PXDC1: variants seen among roughly 807,000 people sequenced by gnomAD.
PXDC1 encodes PX domain-containing protein 1.
PXDC1 carries 13 observed loss-of-function variants against 24.4 expected under a neutral mutation model. The observed-to-expected ratio is 0.53, with a 90% confidence interval of 0.35 to 0.85. PXDC1 has a LOEUF of 0.85. Among genes scored for constraint, PXDC1 ranks in the 40% least tolerant of loss-of-function variants. PXDC1 has a pLI of 0.01. For synonymous variants in PXDC1, 162 were observed against 124.9 expected, an observed-to-expected ratio of 1.30 and a Z score of -1.98; for missense variants, 344 against 309.3, an observed-to-expected ratio of 1.11 and a Z score of -0.84.
rs1299723264 is a variant in PXDC1 at position 3,751,519 on chromosome 6, C to G, written c.13G>C (p.Val5Leu). 3.8e-6 allele frequency: 6 copies of G among 1,589,238 alleles called. No individual in the cohort carries two copies. The highest frequency in any genetic ancestry group is 5.1e-6 in the Non-Finnish European group (6 of 1,170,382). MASA[V>L]FEGTSLVNMF... ...TTCACGAGCGACGTGCCCTCAAACA[C>G]CGCCGAGGCCATGTCGCACGCATGC... The change falls in exon 1 of 5, where the codon GTG (valine) becomes CTG (leucine). Residue 5 changes from valine to leucine, a missense_variant. Transcript: ENST00000380283.
intron 3 of PXDC1, among the ~76,000 whole-genome samples, chr6:3,735,836 T>C (rs1215318843): frequency 1.3e-5 from 2 of 152,214 alleles, no homozygotes; most frequent in Non-Finnish European, 2.9e-5. Flanking sequence ...TTACACAATA[T>C]ACACATGTAT....
intron 1 of PXDC1, 140 bp from the exon 2 acceptor site, chr6:3,738,288 C>G (rs776056194): frequency 3.0e-6 from 2 of 675,602 alleles, no homozygotes; most frequent in Non-Finnish European, 5.2e-6. Flanking sequence ...CAGCCTTATG[C>G]ACCTATAGCC....
At chr6:3,739,250 G>A (rs1220538926) in intron 1 of PXDC1, 7 of 608,932 alleles carry the variant, frequency 1.1e-5, no homozygotes, top group South Asian at 4.9e-5. Context: ...CTCCCACCAG[G>A]GCTCCCCAGA....
At chr6:3,750,653 C>G (rs1187743532) in intron 1 of PXDC1, among the ~76,000 whole-genome samples, 1 of 152,206 alleles carries the variant, frequency 6.6e-6, no homozygotes, top group Admixed American at 6.5e-5. Context: ...GGCGGCGCAG[C>G]TGATCAAACG....
intron 1 of PXDC1, among the ~76,000 whole-genome samples, chr6:3,745,684 G>A (rs1405983061): frequency 6.6e-6 from 1 of 152,048 alleles, no homozygotes; most frequent in Non-Finnish European, 1.5e-5. Context: ...CCCCCAAGCT[G>A]ACCCCTCCTA....
chr6:3,737,600 G>T lies in PXDC1; in HGVS notation c.349-404C>A. The T allele has an allele frequency of 2.1e-6, 2 of 963,516 alleles. No homozygotes were observed. Among genetic ancestry groups the T allele is most frequent in the South Asian group, 4.8e-5 (1 of 20,888 alleles). The allele number at this position is 963,516 out of a possible 1,614,324, so 59.7% of individuals were successfully genotyped here. ...CAGGTTCTTAACCACCACTCACGAC[G>T]AAGCCCGCAGGCTTACATGGAAAGG... On this transcript the variant is annotated intron_variant, in intron 2 of 4. Transcript: ENST00000380283. The surrounding 1 kb of genome is among the most constrained non-coding windows in gnomAD (Gnocchi z 5.5).
intron 3 of PXDC1, among the ~76,000 whole-genome samples, chr6:3,732,914 C>T (rs1036379703): frequency 7.2e-5 from 11 of 152,250 alleles, no homozygotes; most frequent in Admixed American, 3.9e-4. Context: ...GGCTCTCGGC[C>T]GGGAATGAAT....
intron 3 of PXDC1, among the ~76,000 whole-genome samples, chr6:3,732,290 C>G (rs1222743348): frequency 6.6e-6 from 1 of 152,250 alleles, no homozygotes; most frequent in African/African-American, 2.4e-5. Flanking sequence ...CCTCCTCTCT[C>G]CCACTGTATT....
At chr6:3,729,382 C>A (rs1271220649) in intron 3 of PXDC1, among the ~76,000 whole-genome samples, 1 of 152,178 alleles carries the variant, frequency 6.6e-6, no homozygotes, top group Non-Finnish European at 1.5e-5. Flanking sequence ...CAGTCAGATT[C>A]ATCAGGTCAT....
rs530181197 is a variant in PXDC1, at chr6:3,751,266, G to A, written c.256+10C>T. On this transcript the variant is annotated intron_variant, in intron 1 of 4. Coordinates refer to ENST00000380283, the MANE Select transcript of PXDC1 (RefSeq NM_183373.4). ...GGCCCCGCGCCCCTCCCGCGTCCCCGGCCCCGCACCTTGCCGCAGCGGCCC... is the reference window on the plus strand; with the variant it reads ...GGCCCCGCGCCCCTCCCGCGTCCCCAGCCCCGCACCTTGCCGCAGCGGCCC... 6.2e-5 allele frequency: 91 copies of A among 1,471,178 alleles called. No individual in the cohort carries two copies. The Middle Eastern group carries it at 8.1e-4, about 13-fold the overall frequency. 91.1% of individuals were successfully genotyped at this position (1,471,178 alleles called of 1,614,324 possible).
At chr6:3,731,460 T>A (rs998290106) in intron 3 of PXDC1, among the ~76,000 whole-genome samples, 1 of 152,276 alleles carries the variant, frequency 6.6e-6, no homozygotes, top group African/African-American at 2.4e-5. Context: ...GCCATTTTAA[T>A]CACATACATG....
intron 1 of PXDC1, 64 bp downstream of exon 1, chr6:3,751,212 G>A (rs894879878): frequency 1.1e-4 from 137 of 1,231,992 alleles, no homozygotes; most frequent in Non-Finnish European, 1.4e-4. Flanking sequence ...TCTCTTCCCC[G>A]CCTCCTTCGT....
intron 1 of PXDC1, among the ~76,000 whole-genome samples, chr6:3,741,572 C>T (rs1458222488): frequency 2.0e-5 from 3 of 152,230 alleles, no homozygotes; most frequent in Non-Finnish European, 2.9e-5. Flanking sequence ...TGACAACGAG[C>T]GCTGATCCCT....
In PXDC1 at chr6:3,751,331, C is replaced by T; in HGVS notation, c.201G>A (p.Leu67=). The T allele has an allele frequency of 1.3e-6, 2 of 1,550,970 alleles. No individual in the cohort carries two copies. Among genetic ancestry groups the T allele is most frequent in the South Asian group, 1.2e-5 (1 of 84,154 alleles). The change falls in exon 1 of 5, where the codon CTG becomes CTA. Residue 67 remains leucine (L), a synonymous_variant. Coordinates refer to ENST00000380283, the MANE Select transcript of PXDC1 (RefSeq NM_183373.4). ...LADLGRLWQR[L]RDAFPEDRSE... ...ACCGGTCCTCGGGAAAGGCGTCGCG[C>T]AGGCGCTGCCACAGGCGGCCCAGGT...
chr6:3,723,390 G>T lies in PXDC1; in HGVS notation c.*229C>A. On this transcript the variant is annotated 3_prime_UTR_variant, in exon 5 of 5. Coordinates refer to ENST00000380283, the MANE Select transcript of PXDC1 (RefSeq NM_183373.4). ...AAGACCCTCAGAACACAGGCCCTGT[G>T]GCCTCCGGCTGTGACCTCAGCTTGC... 1 of 573,596 alleles carries T rather than the reference G, an allele frequency of 1.7e-6. No individual in the cohort carries two copies. Among genetic ancestry groups the T allele is most frequent in the Non-Finnish European group, 3.1e-6 (1 of 321,176 alleles). The allele number at this position is 573,596 out of a possible 1,614,324, so 35.5% of individuals were successfully genotyped here. A position where few individuals can be genotyped will look rare whatever the true frequency, so the allele number is the denominator to read the frequency against.
At chr6:3,748,886 A>G (rs537270407) in intron 1 of PXDC1, among the ~76,000 whole-genome samples, 1 of 152,394 alleles carries the variant, frequency 6.6e-6, no homozygotes, top group South Asian at 2.1e-4. Flanking sequence ...ATTGCAGCAC[A>G]GCAAAGCACA....
At chr6:3,745,573 G>C (rs560235871) in intron 1 of PXDC1, among the ~76,000 whole-genome samples, 38 of 148,664 alleles carry the variant, frequency 2.6e-4, no homozygotes, top group African/African-American at 8.6e-4. Flanking sequence ...CTTTCAGCCT[G>C]AGCCTGACCC....
At chr6:3,745,088 C>T (rs1175166236) in intron 1 of PXDC1, among the ~76,000 whole-genome samples, 2 of 152,254 alleles carry the variant, frequency 1.3e-5, no homozygotes, top group African/African-American at 2.4e-5. Flanking sequence ...AGTTTCTGGA[C>T]GAGCAAGGCC....
rs1484310212 is a variant in PXDC1 at position 3,724,810 on chromosome 6, TC to T, written c.579-1075del. Among the ~76,000 whole-genome samples the T allele has an allele frequency of 1.3e-5, 2 of 152,140 alleles. No homozygotes were observed. Among genetic ancestry groups the T allele is most frequent in the Non-Finnish European group, 1.5e-5 (1 of 68,024 alleles). On this transcript the variant is annotated intron_variant, in intron 4 of 4. Coordinates refer to ENST00000380283, the MANE Select transcript of PXDC1 (RefSeq NM_183373.4). The surrounding 1 kb of genome is among the most constrained non-coding windows in gnomAD (Gnocchi z 4.5). ...CACAACAAGGCAGGGCGAGCATATG[TC>T]CCCCACAAACCTAGTACATCGTGCG...
Sources: allele counts gnomAD v4.1 joint callset (sites outside exome capture counted in the v4.1 genomes callset), GRCh38; gene constraint gnomAD v4.1.1; non-coding constraint Gnocchi (gnomAD v3.1); transcripts MANE v1.5; gene names NCBI Gene and HGNC (gene_info 2026-07-23, HGNC 2026-07-21).